The following CNTN5 variants were observed in gnomAD, a reference collection of about 807,000 sequenced individuals.
The protein encoded by CNTN5 is contactin-5.
A neutral mutation model predicts 129.1 loss-of-function variants in CNTN5; 77 were observed. The ratio of observed to expected loss-of-function variants is 0.60; its 90% CI spans 0.50 to 0.72. The LOEUF (loss-of-function observed/expected upper bound fraction) is 0.72. Ranked by LOEUF, CNTN5 falls within the 30% of genes least tolerant of loss-of-function variation. The pLI is 0.00. For missense variants in CNTN5, 1,478 were observed against 1,328.8 expected (o/e 1.11, Z -1.75); for synonymous variants, 509 against 465.6 (o/e 1.09, Z -1.20).
intron 7 of CNTN5, among the ~76,000 whole-genome samples, 193 bp downstream of exon 7, chr11:99,916,342 T>C (rs1299315896): frequency 6.6e-6 from 1 of 152,144 alleles, no homozygotes; most frequent in Non-Finnish European, 1.5e-5. Flanking sequence ...TGAACTCCAA[T>C]AAGATTGTTT....
At chr11:99,549,125 G>T (rs1948397681) in intron 2 of CNTN5, among the ~76,000 whole-genome samples, 1 of 150,272 alleles carries the variant, frequency 6.7e-6, no homozygotes, top group African/African-American at 2.4e-5. Context: ...TAATATGCCT[G>T]AAAAGTCAAA....
intron 4 of CNTN5, among the ~76,000 whole-genome samples, chr11:99,824,027 C>T (rs1274731765): frequency 1.3e-5 from 2 of 151,954 alleles, no homozygotes; most frequent in Non-Finnish European, 2.9e-5. Flanking sequence ...GTAAAGCATA[C>T]CACACTAGGA....
At chr11:99,036,499 A>C (rs1565265765) in intron 1 of CNTN5, among the ~76,000 whole-genome samples, 1 of 152,156 alleles carries the variant, frequency 6.6e-6, no homozygotes, top group South Asian at 2.1e-4. Context: ...ATAGTTCCTC[A>C]CCTAAAATTA....
At chr11:100,008,352 G>T (rs1940319060) in intron 9 of CNTN5, among the ~76,000 whole-genome samples, 1 of 152,054 alleles carries the variant, frequency 6.6e-6, no homozygotes, top group African/African-American at 2.4e-5. Flanking sequence ...ATAAAATAAT[G>T]TGTGCCAGTA....
chr11:99,690,805 A>AT, intron 3 of CNTN5, among the ~76,000 whole-genome samples: 1 of 152,060 alleles, frequency 6.6e-6, no homozygotes. Flanking sequence ...TTCCTTCTCA[A>AT]TTTTTTTGGA....
intron 8 of CNTN5, among the ~76,000 whole-genome samples, chr11:99,970,389 C>G (rs11222098): frequency 0.071 from 10,846 of 152,270 alleles, 395 homozygotes; most frequent in Middle Eastern, 0.082. Flanking sequence ...ATTTAAACTA[C>G]AATCTATTTG....
chr11:100,224,267 C>A (rs747207530), intron 15 of CNTN5, among the ~76,000 whole-genome samples: 1 of 152,116 alleles, frequency 6.6e-6, no homozygotes, highest in South Asian at 2.1e-4. Context: ...AATAAAGTCA[C>A]GAGATAATAT....
chr11:99,194,228 A>G (rs1387996521), intron 1 of CNTN5, among the ~76,000 whole-genome samples: 1 of 152,154 alleles, frequency 6.6e-6, no homozygotes, highest in African/African-American at 2.4e-5. Context: ...AAGAACAATT[A>G]AATGAAGGTT....
intron 1 of CNTN5, among the ~76,000 whole-genome samples, chr11:99,132,432 G>A (rs1318005244): frequency 6.6e-6 from 1 of 152,092 alleles, no homozygotes; most frequent in Non-Finnish European, 1.5e-5. Flanking sequence ...AGAAATAAAG[G>A]ATATTTAAAT....
chr11:99,113,758 A>G (rs1227427433), intron 1 of CNTN5, among the ~76,000 whole-genome samples: 1 of 152,136 alleles, frequency 6.6e-6, no homozygotes, highest in Non-Finnish European at 1.5e-5. Flanking sequence ...GTAGCATGGC[A>G]CACAAATAGC....
chr11:99,243,736 A>ATTTTTTTTTTTTTTTTTT (rs35250111), intron 1 of CNTN5, among the ~76,000 whole-genome samples: 1 of 117,692 alleles, frequency 8.5e-6, no homozygotes, highest in Non-Finnish European at 1.8e-5. Context: ...CCTATTGCTT[A>ATTTTTTTTTTTTTTTTTT]TTTTTTTTTT....
chr11:99,978,092 T>G (rs1938105458), intron 8 of CNTN5, among the ~76,000 whole-genome samples: 1 of 152,220 alleles, frequency 6.6e-6, no homozygotes, highest in Non-Finnish European at 1.5e-5. Context: ...GTGTAACCTG[T>G]GTAGGCTAGG....
chr11:100,102,546 G>A (rs878904150), intron 13 of CNTN5, among the ~76,000 whole-genome samples: 2 of 148,760 alleles, frequency 1.3e-5, no homozygotes, highest in South Asian at 2.1e-4. Flanking sequence ...TTTTCCAGAG[G>A]TCAAAAAAAA....
intron 3 of CNTN5, among the ~76,000 whole-genome samples, chr11:99,632,107 C>T (rs978501504): frequency 6.6e-6 from 1 of 151,926 alleles, no homozygotes; most frequent in Non-Finnish European, 1.5e-5. Flanking sequence ...GTATACCCTG[C>T]GAATAAGTGG....
At chr11:99,197,248 T>C (rs1858949221) in intron 1 of CNTN5, among the ~76,000 whole-genome samples, 1 of 151,932 alleles carries the variant, frequency 6.6e-6, no homozygotes, top group Non-Finnish European at 1.5e-5. Context: ...AAATTATAAA[T>C]TTTATAATTC....
At chr11:99,964,085 A>G (rs946507911) in intron 8 of CNTN5, among the ~76,000 whole-genome samples, 1 of 152,310 alleles carries the variant, frequency 6.6e-6, no homozygotes, top group East Asian at 1.9e-4. Context: ...TTCTAGATAT[A>G]CAATCATGTC....
rs1369821320 is a variant in CNTN5, at chr11:99,224,607, C to T, written c.-209-100739C>T. Reference sequence around the variant, plus strand: ...TGCCAGCTGGTGAGAATGATCATGACTAACAGCTAGCTATCTTCCAGATTA... The same window carrying T: ...TGCCAGCTGGTGAGAATGATCATGATTAACAGCTAGCTATCTTCCAGATTA... On this transcript the variant is annotated intron_variant, in intron 1 of 24. Transcript: ENST00000524871. 2.6e-5 allele frequency among the ~76,000 whole-genome samples: 4 copies of T among 150,992 alleles called. No individual in the cohort carries two copies. In the East Asian group the frequency reaches 7.8e-4, roughly 29 times the overall value.
intron 3 of CNTN5, among the ~76,000 whole-genome samples, chr11:99,758,484 C>T (rs1197325350): frequency 6.6e-6 from 1 of 151,938 alleles, no homozygotes. Context: ...TTAAAATGGG[C>T]CAGGCAGTAC....
chr11:99,336,775 C>A (rs1243580529), intron 2 of CNTN5, among the ~76,000 whole-genome samples: 2 of 151,828 alleles, frequency 1.3e-5, no homozygotes, highest in African/African-American at 4.8e-5. Context: ...TTGCAGTGAG[C>A]CTAGACCACG....
Sources: gnomAD v4.1 joint callset for allele counts (sites outside exome capture counted in the v4.1 genomes callset) on GRCh38, gnomAD v4.1.1 for gene constraint, MANE v1.5 for transcripts, NCBI Gene and HGNC (gene_info 2026-07-23, HGNC 2026-07-21) for gene names.